Variants in ACIN1 observed in about 807,000 individuals in gnomAD.
The protein encoded by ACIN1 is apoptotic chromatin condensation inducer 1, also known as apoptotic chromatin condensation inducer in the nucleus.
A neutral mutation model predicts 146.6 loss-of-function variants in ACIN1; 16 were observed. That is an observed-to-expected ratio of 0.11 (90% confidence interval 0.07 to 0.17). The LOEUF (loss-of-function observed/expected upper bound fraction) is 0.17, where lower values mean the gene tolerates loss of function less well. Among genes scored for constraint, ACIN1 ranks in the 10% least tolerant of loss-of-function variants. The pLI is 1.00. For synonymous variants in ACIN1, 569 were observed against 582.7 expected, an observed-to-expected ratio of 0.98 and a Z score of 0.34; for missense variants, 1,357 against 1,609.3, an observed-to-expected ratio of 0.84 and a Z score of 2.68.
chr14:23,081,410 T>A (rs572345551), intron 5 of ACIN1, among the ~76,000 whole-genome samples: 1 of 152,124 alleles, frequency 6.6e-6, no homozygotes, highest in African/African-American at 2.4e-5. Context: ...GCAGAGCAGA[T>A]CTAAATAAAA....
At position 23,068,914 on chromosome 14, in the gene ACIN1, A is replaced by G; in HGVS notation, c.2265+562T>C. The G allele has an allele frequency of 1.0e-6, 1 of 985,508 alleles. No individual in the cohort carries two copies. The highest frequency in any genetic ancestry group is 1.1e-4 in the East Asian group (1 of 8,810). 61.0% of individuals were successfully genotyped at this position (985,508 alleles called of 1,614,324 possible). A position where few individuals can be genotyped will look rare whatever the true frequency, so the allele number is the denominator to read the frequency against. On this transcript the variant is annotated intron_variant, in intron 9 of 18. Transcript: ENST00000605057. This position sits in a 1 kb window ranked among gnomAD's most constrained non-coding sequence, Gnocchi z 4.3. ...CCCTGAAGTGGGTGCAGGACACAAGATAACATATGCCAAAAAAGGAGGTAG... is the reference window on the plus strand; with the variant it reads ...CCCTGAAGTGGGTGCAGGACACAAGGTAACATATGCCAAAAAAGGAGGTAG...
At chr14:23,094,699 G>A (rs1334263258) in intron 1 of ACIN1, 15 of 663,734 alleles carry the variant, frequency 2.3e-5, no homozygotes, top group Middle Eastern at 4.5e-4. Flanking sequence ...TACAAACAAG[G>A]AGGGGGTGGG....
At position 23,069,553 on chromosome 14, in the gene ACIN1, G is replaced by A; in HGVS notation, c.2188C>T (p.Pro730Ser). 1.3e-6 allele frequency: 2 copies of A among 1,590,740 alleles called. No individual in the cohort carries two copies. Among genetic ancestry groups the A allele is most frequent in the East Asian group, 2.3e-5 (1 of 43,224 alleles). ...ACTTGGTCTGCAATAGGCATGGGAGGTTCTGGAACATCATTTTCAGGTCTG... is the reference window on the plus strand; with the variant it reads ...ACTTGGTCTGCAATAGGCATGGGAGATTCTGGAACATCATTTTCAGGTCTG... ...ENRPENDVPE[P>S]PMPIADQVSN... The change falls in exon 9 of 19, where the codon CCT becomes TCT. Residue 730 changes from proline to serine, a missense_variant. By Grantham distance (74) the Pro-to-Ser change is moderately conservative (BLOSUM62 -1). Coordinates refer to ENST00000605057, the MANE Select transcript of ACIN1 (RefSeq NM_001386863.1).
chr14:23,095,523 C>G, upstream of ACIN1: 2 of 552,130 alleles, frequency 3.6e-6, no homozygotes, highest in South Asian at 2.4e-5. Flanking sequence ...CCGGGCTGGC[C>G]CAGCTTAGGG....
intron 4 of ACIN1, among the ~76,000 whole-genome samples, chr14:23,088,522 A>G (rs2048143589): frequency 1.3e-5 from 2 of 152,322 alleles, no homozygotes; most frequent in South Asian, 4.1e-4. Flanking sequence ...ATTTCCATGA[A>G]GAGTCTATCG....
intron 8 of ACIN1, 39 bp from the exon 9 acceptor site, chr14:23,069,656 A>G (rs2047569508): frequency 1.3e-6 from 2 of 1,552,002 alleles, no homozygotes; most frequent in Non-Finnish European, 1.8e-6. Flanking sequence ...GGGCGGGCAG[A>G]AAAGAACCAA....
chr14:23,069,484 T>C lies in ACIN1; in HGVS notation c.2257A>G (p.Lys753Glu). ...GTGGCTTGGATGTTTACCTCTTTCT[T>C]CTCCTCATCTTCAACACTGCCCTCC... is the stretch of plus-strand genomic sequence containing the variant. Reference protein sequence around the residue: ...RPEGSVEDEEKKESSLPKSFK... With the variant: ...RPEGSVEDEEEKESSLPKSFK... Residue 753 changes from lysine (K) to glutamate (E), a missense_variant, in exon 9 of 19, where the codon AAG becomes GAG. Around this residue, in one of 4 missense-constraint regions of ACIN1, gnomAD observed 771 missense variants for 746.6 expected, o/e 1.03. Coordinates refer to ENST00000605057, the MANE Select transcript of ACIN1 (RefSeq NM_001386863.1). 2 of 1,613,844 alleles carry C rather than the reference T, an allele frequency of 1.2e-6. No individual in the cohort carries two copies. Among genetic ancestry groups the C allele is most frequent in the East Asian group, 2.2e-5 (1 of 44,876 alleles).
chr14:23,073,182 ACT>A (rs2047708735), intron 8 of ACIN1, among the ~76,000 whole-genome samples: 1 of 152,230 alleles, frequency 6.6e-6, no homozygotes, highest in South Asian at 2.1e-4. Context: ...TGCCCTTATC[ACT>A]CTGTATAATA....
At chr14:23,094,592 A>G in intron 1 of ACIN1, 1 of 955,160 alleles carries the variant, frequency 1.0e-6, no homozygotes, top group Non-Finnish European at 1.2e-6. Context: ...TATACCCCTA[A>G]CTCCGACCCA....
At chr14:23,089,915 G>A (rs1266390248) in intron 4 of ACIN1, 67 bp downstream of exon 4, 15 of 1,447,586 alleles carry the variant, frequency 1.0e-5, no homozygotes, top group South Asian at 1.5e-5. Flanking sequence ...GAAAGGAGGT[G>A]TAACTACCTC....
Position 23,079,743 on chromosome 14 carries a change from G to C in ACIN1, c.1592C>G (p.Ser531Cys). The C allele has an allele frequency of 6.2e-7, 1 of 1,614,184 alleles. No individual in the cohort carries two copies. The highest frequency in any genetic ancestry group is 8.5e-7 in the Non-Finnish European group (1 of 1,180,032). The change falls in exon 6 of 19, where the codon TCT (serine) becomes TGT (cysteine). Residue 531 changes from serine (S) to cysteine (C), a missense_variant. Physicochemically the swap from Ser to Cys is moderately radical, Grantham distance 112. Around this residue, in one of 4 missense-constraint regions of ACIN1, gnomAD observed 771 missense variants for 746.6 expected, o/e 1.03. Coordinates refer to ENST00000605057, the MANE Select transcript of ACIN1 (RefSeq NM_001386863.1). ...GTCAGGAGAGCGAGATCTTGATCTA[G>C]AACTGGAGGAGGAAGATGAGGAGGA... ...SRSSSSSSSSSRSRSRSPDSS... is the reference protein window; with the variant it reads ...SRSSSSSSSSCRSRSRSPDSS...
At chr14:23,071,242 A>G (rs951138297) in intron 8 of ACIN1, 5 of 1,516,674 alleles carry the variant, frequency 3.3e-6, no homozygotes, top group Admixed American at 2.5e-5. Flanking sequence ...AAAAATAAAG[A>G]AAAAAAACCA....
rs2140148297 is a variant in ACIN1 at position 23,079,574 on chromosome 14, A to AACGT, written c.1760_1761insACGT (p.Ala590PhefsTer24). On this transcript the variant is annotated frameshift_variant, in exon 6 of 19. Coordinates refer to ENST00000605057, the MANE Select transcript of ACIN1 (RefSeq NM_001386863.1). LOFTEE classifies it high-confidence loss of function. ...TTCTGCTGTTGCTTGATGCTGAACG[A>AACGT]GAACGTGAACGTGACCTTGATCTGG... The AACGT allele has an allele frequency of 1.9e-6, 3 of 1,555,914 alleles. No individual in the cohort carries two copies. Among genetic ancestry groups the AACGT allele is most frequent in the African/African-American group, 1.4e-5 (1 of 73,550 alleles).
chr14:23,090,641 G>T lies in ACIN1; in HGVS notation c.205-8C>A. The T allele has an allele frequency of 1.9e-6, 3 of 1,608,688 alleles. No individual in the cohort carries two copies. The highest frequency in any genetic ancestry group is 2.5e-6 in the Non-Finnish European group (3 of 1,176,474). The stretch of plus-strand genomic sequence containing the variant: ...GCTCATTTCCTCACCAATCTGTGTA[G>T]AGGAAATGAAAACAGAGGGTCTAGG... On this transcript the variant is annotated splice_polypyrimidine_tract_variant and splice_region_variant and intron_variant, in intron 2 of 18. Transcript: ENST00000605057.
intron 12 of ACIN1, 28 bp from the exon 13 acceptor site, chr14:23,063,605 G>A (rs751851784): frequency 2.5e-5 from 40 of 1,613,444 alleles, no homozygotes; most frequent in Non-Finnish European, 3.3e-5. Context: ...AACACAGCAG[G>A]TCTGTTAAAC....
chr14:23,084,138 G>C, intron 4 of ACIN1, among the ~76,000 whole-genome samples: 1 of 151,966 alleles, frequency 6.6e-6, no homozygotes, highest in East Asian at 1.9e-4. Flanking sequence ...GTAGAGACGG[G>C]GTTTTGCCAC....
chr14:23,059,387 GCTC>G lies in ACIN1; in HGVS notation c.3610_3612del (p.Glu1204del). On this transcript the variant is annotated inframe_deletion, in exon 19 of 19. Coordinates refer to ENST00000605057, the MANE Select transcript of ACIN1 (RefSeq NM_001386863.1). ...CGTTCCCGCTCGGCTTCCTTCTCCC[GCTC>G]CTTTTGCTCTTCTTCTTCTTGCTCC... 1 of 1,613,248 alleles carries G rather than the reference GCTC, an allele frequency of 6.2e-7. No individual in the cohort carries two copies. The highest frequency in any genetic ancestry group is 8.5e-7 in the Non-Finnish European group (1 of 1,179,722).
chr14:23,085,456 T>C (rs80332036), intron 4 of ACIN1, among the ~76,000 whole-genome samples: 3,422 of 152,294 alleles, frequency 0.022, 142 homozygotes, highest in African/African-American at 0.078. Context: ...ATGCTATTTA[T>C]TGAATTATAA....
At chr14:23,060,757 C>T (rs1026032135) in intron 18 of ACIN1, among the ~76,000 whole-genome samples, 1 of 152,124 alleles carries the variant, frequency 6.6e-6, no homozygotes, top group Non-Finnish European at 1.5e-5. Flanking sequence ...GTGATCCACC[C>T]GACTCGGCCT....
Sources: gnomAD v4.1 joint callset for allele counts (sites outside exome capture counted in the v4.1 genomes callset) on GRCh38, gnomAD v4.1.1 for gene constraint, gnomAD v4.1.1 regional missense constraint, Gnocchi (gnomAD v3.1) non-coding constraint, MANE v1.5 for transcripts, NCBI Gene and HGNC (gene_info 2026-07-23, HGNC 2026-07-21) for gene names.